Variants in NUP153 observed in about 807,000 individuals in gnomAD.
NUP153 encodes the protein nucleoporin 153.
A neutral mutation model predicts 134.6 loss-of-function variants in NUP153; 27 were observed. The observed-to-expected ratio is 0.20, with a 90% CI of 0.15 to 0.28. The LOEUF is 0.28. Among genes scored for constraint, NUP153 ranks in the 10% least tolerant of loss-of-function variants. NUP153 has a pLI of 1.00. For synonymous variants in NUP153, 640 were observed against 623.5 expected, an observed-to-expected ratio of 1.03 and a Z score of -0.40; for missense variants, 1,821 against 1,731.3, an observed-to-expected ratio of 1.05 and a Z score of -0.92.
chr6:17,697,817 C>T (rs1401567854), intron 1 of NUP153, among the ~76,000 whole-genome samples: 1 of 151,612 alleles, frequency 6.6e-6, no homozygotes, highest in Non-Finnish European at 1.5e-5. Flanking sequence ...TGGGGGAAGG[C>T]TATTCTATAA....
Position 17,706,659 on chromosome 6 carries a change from T to C in NUP153, c.-272A>G. 1.9e-6 allele frequency: 1 copy of C among 532,942 alleles called. No homozygotes were observed. The highest frequency in any genetic ancestry group is 3.3e-6 in the Non-Finnish European group (1 of 299,668). 33.0% of individuals were successfully genotyped at this position (532,942 alleles called of 1,614,324 possible). ...CTGCGGACCCCCGCCTCTGTGTGTG[T>C]CACGGTCTCTATGGAGATCTCCCGC... On this transcript the variant is annotated 5_prime_UTR_variant, in exon 1 of 22. Coordinates refer to ENST00000262077, the MANE Select transcript of NUP153 (RefSeq NM_005124.4). The surrounding 1 kb of genome is among the most constrained non-coding windows in gnomAD (Gnocchi z 5.9).
In NUP153 at chr6:17,625,285, T is replaced by C. The variant is rs961646277; in HGVS notation, c.3902-452A>G. Among the ~76,000 whole-genome samples the C allele has an allele frequency of 6.6e-6, 1 of 152,096 alleles. No homozygotes were observed. Among genetic ancestry groups the C allele is most frequent in the Non-Finnish European group, 1.5e-5 (1 of 68,022 alleles). ...GGCACAGTGGCTCACACCTGTAATC[T>C]CAGCACTTTGAAAGGCCGAGGCGGG... On this transcript the variant is annotated intron_variant, in intron 19 of 21. Transcript: ENST00000262077. The surrounding 1 kb of genome is among the most constrained non-coding windows in gnomAD (Gnocchi z 4.7).
In NUP153 at chr6:17,629,114, T is replaced by C. The variant is rs1765098116; in HGVS notation, c.3085A>G (p.Ile1029Val). 1.2e-6 allele frequency: 2 copies of C among 1,614,066 alleles called. No individual in the cohort carries two copies. Among genetic ancestry groups the C allele is most frequent in the Non-Finnish European group, 1.7e-6 (2 of 1,180,032 alleles). The change falls in exon 18 of 22, where the codon ATT becomes GTT. Residue 1029 changes from isoleucine to valine, a missense_variant. Ile to Val is a conservative substitution (Grantham distance 29, BLOSUM62 3). Coordinates refer to ENST00000262077, the MANE Select transcript of NUP153 (RefSeq NM_005124.4). The stretch of plus-strand genomic sequence containing the variant: ...TTAGCAGGAGCAGGGGTGGAGTTAA[T>C]AACACCTGTACCAAAGCTAAAACCT... ...SAGFSFGTGV[I>V]NSTPAPANTI...
intron 2 of NUP153, among the ~76,000 whole-genome samples, chr6:17,683,690 C>T (rs1040532873): frequency 6.6e-6 from 1 of 152,054 alleles, no homozygotes; most frequent in African/African-American, 2.4e-5. Flanking sequence ...TAAGCATTGG[C>T]TTCAACTTAC....
chr6:17,645,624 G>A (rs1001613169), intron 14 of NUP153, among the ~76,000 whole-genome samples: 1 of 150,402 alleles, frequency 6.6e-6, no homozygotes, highest in Non-Finnish European at 1.5e-5. Context: ...TGATTTCTTC[G>A]GTTCAGAAAT....
At chr6:17,702,819 T>G (rs1770205652) in intron 1 of NUP153, among the ~76,000 whole-genome samples, 3 of 151,822 alleles carry the variant, frequency 2.0e-5, no homozygotes, top group South Asian at 2.1e-4. Context: ...CTACAATTCT[T>G]AAGAGTTATT....
chr6:17,670,281 T>C (rs189593669), intron 5 of NUP153, among the ~76,000 whole-genome samples: 1 of 152,200 alleles, frequency 6.6e-6, no homozygotes, highest in East Asian at 1.9e-4. Flanking sequence ...GGAAAGCAAG[T>C]ACAACATCTA....
chr6:17,675,870 C>T lies in NUP153; in HGVS notation c.335-100G>A. ...GAAAACACATTACAGTATATAATAG[C>T]TTCAATTCAAATCACTGGGGCATCC... On this transcript the variant is annotated intron_variant, in intron 2 of 21. Coordinates refer to ENST00000262077, the MANE Select transcript of NUP153 (RefSeq NM_005124.4). The surrounding 1 kb of genome is among the most constrained non-coding windows in gnomAD (Gnocchi z 4.4). The T allele has an allele frequency of 8.7e-7, 1 of 1,143,514 alleles. No individual in the cohort carries two copies. Among genetic ancestry groups the T allele is most frequent in the Non-Finnish European group, 1.3e-6 (1 of 775,944 alleles). The allele number at this position is 1,143,514 out of a possible 1,614,324, so 70.8% of individuals were successfully genotyped here. A position where few individuals can be genotyped will look rare whatever the true frequency, so the allele number is the denominator to read the frequency against.
chr6:17,690,710 G>C (rs890631484), intron 1 of NUP153, among the ~76,000 whole-genome samples: 4 of 152,044 alleles, frequency 2.6e-5, no homozygotes, highest in Non-Finnish European at 5.9e-5. Context: ...AGTAGGTACA[G>C]AAAACAATAA....
chr6:17,691,120 C>A (rs1016784849), intron 1 of NUP153, among the ~76,000 whole-genome samples: 2 of 151,362 alleles, frequency 1.3e-5, no homozygotes, highest in African/African-American at 4.9e-5. Context: ...CCAGCCTGGG[C>A]AACAGAGCAA....
chr6:17,675,234 A>T lies in NUP153; in HGVS notation c.718T>A (p.Ser240Thr). 6.2e-7 allele frequency: 1 copy of T among 1,614,094 alleles called. No individual in the cohort carries two copies. Among genetic ancestry groups the T allele is most frequent in the East Asian group, 2.2e-5 (1 of 44,878 alleles). The change falls in exon 4 of 22, where the codon TCC becomes ACC. Residue 240 changes from serine (S) to threonine (T), a missense_variant. Transcript: ENST00000262077. The surrounding 1 kb of genome is among the most constrained non-coding windows in gnomAD (Gnocchi z 4.4). ...AFNLSAFGTL[S>T]PSLGNSSILK... Reference sequence around the variant, plus strand: ...CCAACCCAGTTAGTACTCACAGGGGAAAGTGTTCCAAAGGCAGACAAGTTG... The same window carrying T: ...CCAACCCAGTTAGTACTCACAGGGGTAAGTGTTCCAAAGGCAGACAAGTTG...
chr6:17,655,934 G>C (rs1189511396), intron 11 of NUP153, among the ~76,000 whole-genome samples: 2 of 152,198 alleles, frequency 1.3e-5, no homozygotes, highest in Admixed American at 1.3e-4. Context: ...GCTGGGCGCA[G>C]TGGTTCAACC....
chr6:17,663,260 C>CATACATATAT (rs1554141764), intron 9 of NUP153, among the ~76,000 whole-genome samples: 1 of 139,996 alleles, frequency 7.1e-6, no homozygotes, highest in African/African-American at 2.6e-5. Flanking sequence ...CACACACACA[C>CATACATATAT]ATATATATAT....
chr6:17,666,297 A>C (rs1049204143), intron 8 of NUP153, among the ~76,000 whole-genome samples: 2 of 151,750 alleles, frequency 1.3e-5, no homozygotes, highest in African/African-American at 2.4e-5. Context: ...CAGGTGGATC[A>C]TTTGAGGTCA....
At chr6:17,649,630 T>C (rs1363523410) in intron 11 of NUP153, among the ~76,000 whole-genome samples, 2 of 152,198 alleles carry the variant, frequency 1.3e-5, no homozygotes, top group African/African-American at 2.4e-5. Context: ...ATGGTTTCAA[T>C]TTCCAGTTTC....
chr6:17,624,328 A>C (rs1009953440), intron 20 of NUP153, among the ~76,000 whole-genome samples: 2 of 152,220 alleles, frequency 1.3e-5, no homozygotes, highest in African/African-American at 2.4e-5. Flanking sequence ...TCCCATACTT[A>C]AGTCAGAGTA....
At chr6:17,668,593 G>A (rs1767694135) in intron 8 of NUP153, among the ~76,000 whole-genome samples, 1 of 151,898 alleles carries the variant, frequency 6.6e-6, no homozygotes. Flanking sequence ...CCTTAGTCCC[G>A]GCACTTTGGG....
chr6:17,701,844 G>GGGGGGGAAAGC (rs1554148666), intron 1 of NUP153, among the ~76,000 whole-genome samples: 1 of 81,706 alleles, frequency 1.2e-5, no homozygotes, highest in Non-Finnish European at 2.6e-5. Flanking sequence ...GGGGGGGGGG[G>GGGGGGGAAAGC]AAAAAAGCTA....
intron 17 of NUP153, among the ~76,000 whole-genome samples, chr6:17,632,430 C>T (rs1214712020): frequency 2.0e-5 from 3 of 151,904 alleles, no homozygotes; most frequent in African/African-American, 7.3e-5. Context: ...ATTTTTTTTC[C>T]CACCTGGAGA....
Sources: gnomAD v4.1 joint callset for allele counts (sites outside exome capture counted in the v4.1 genomes callset) on GRCh38, gnomAD v4.1.1 for gene constraint, Gnocchi (gnomAD v3.1) non-coding constraint, MANE v1.5 for transcripts, NCBI Gene and HGNC (gene_info 2026-07-23, HGNC 2026-07-21) for gene names.